The following NLRP14 variants were observed in gnomAD, a reference collection of about 807,000 sequenced individuals.
NLRP14 encodes the protein NLR family pyrin domain containing 14.
Under a neutral mutation model 94.7 loss-of-function variants are expected in NLRP14, and 105 were observed. That is an observed-to-expected ratio of 1.11 (90% CI 0.95 to 1.30). NLRP14 has a LOEUF of 1.30. Ranked by LOEUF, NLRP14 falls within the 50% of genes most tolerant of loss-of-function variation. The pLI, the probability that NLRP14 is intolerant of heterozygous loss-of-function variation, is 0.00. For missense variants in NLRP14, 1,362 were observed against 1,254.1 expected (o/e 1.09, Z -1.30); for synonymous variants, 508 against 459.9 (o/e 1.10, Z -1.34).
At chr11:7,087,064 C>CT in the NLRP14 span, among the ~76,000 whole-genome samples, 1 of 152,130 alleles carries the variant, frequency 6.6e-6, no homozygotes. Flanking sequence ...GGACTAAACT[C>CT]TGACAACCAT....
At chr11:7,068,685 C>G (rs1852744824) in intron 10 of NLRP14, among the ~76,000 whole-genome samples, 1 of 152,098 alleles carries the variant, frequency 6.6e-6, no homozygotes, top group African/African-American at 2.4e-5. Context: ...AGTACGGGGT[C>G]TTTTTCTTTC....
the NLRP14 span, among the ~76,000 whole-genome samples, chr11:7,080,569 A>G: frequency 7.2e-5 from 11 of 152,292 alleles, no homozygotes; most frequent in South Asian, 2.3e-3. Context: ...CACAGAAACA[A>G]TTCTCCATAG....
intron 8 of NLRP14, among the ~76,000 whole-genome samples, chr11:7,058,707 C>T (rs1239574935): frequency 1.3e-5 from 2 of 151,888 alleles, no homozygotes; most frequent in Non-Finnish European, 2.9e-5. Flanking sequence ...CCTCACTCTA[C>T]AGGTGAGGAA....
intron 4 of NLRP14, among the ~76,000 whole-genome samples, chr11:7,045,803 G>A (rs1331431453): frequency 6.6e-6 from 1 of 151,614 alleles, no homozygotes; most frequent in East Asian, 1.9e-4. Context: ...AACACTTATA[G>A]CATGAGACAT....
chr11:7,055,818 C>T (rs939064904), intron 6 of NLRP14, among the ~76,000 whole-genome samples: 1 of 152,018 alleles, frequency 6.6e-6, no homozygotes, highest in African/African-American at 2.4e-5. Flanking sequence ...GCAGTAAGGA[C>T]AACAAAAACA....
At chr11:7,089,570 T>C in the NLRP14 span, 1 of 1,184,494 alleles carries the variant, frequency 8.4e-7, no homozygotes, top group Non-Finnish European at 1.0e-6. Context: ...CCATGAAGCG[T>C]GGGCCGCCGC....
chr11:7,052,658 T>G (rs1359302230), intron 6 of NLRP14, among the ~76,000 whole-genome samples: 1 of 152,046 alleles, frequency 6.6e-6, no homozygotes, highest in Non-Finnish European at 1.5e-5. Context: ...CAAAGCTGGC[T>G]AAGAGGAACT....
At chr11:7,037,399 C>T (rs1852176479) in intron 1 of NLRP14, among the ~76,000 whole-genome samples, 1 of 152,060 alleles carries the variant, frequency 6.6e-6, no homozygotes, top group African/African-American at 2.4e-5. Context: ...ACTTTTATTT[C>T]CCCCATCCGT....
At chr11:7,079,041 G>C in the NLRP14 span, among the ~76,000 whole-genome samples, 1 of 152,174 alleles carries the variant, frequency 6.6e-6, no homozygotes, top group Non-Finnish European at 1.5e-5. Flanking sequence ...AATTGTCTTA[G>C]GGAATTATAC....
downstream of NLRP14, among the ~76,000 whole-genome samples, chr11:7,076,301 T>G (rs1417960937): frequency 1.3e-5 from 2 of 152,216 alleles, no homozygotes; most frequent in African/African-American, 4.8e-5. Context: ...CAAGTCAGAT[T>G]GTCAAAAAAG....
At chr11:7,039,053 G>A (rs764236700) in intron 2 of NLRP14, among the ~76,000 whole-genome samples, 178 bp downstream of exon 2, 20 of 152,076 alleles carry the variant, frequency 1.3e-4, no homozygotes, top group African/African-American at 4.3e-4. Flanking sequence ...AGGCAGAAGC[G>A]TTTTGAGTAC....
chr11:7,066,994 C>G (rs1023718499), intron 10 of NLRP14, among the ~76,000 whole-genome samples: 8 of 151,998 alleles, frequency 5.3e-5, no homozygotes, highest in African/African-American at 1.7e-4. Context: ...TCAGGTTTGT[C>G]AAAGGTCAAG....
Position 7,023,728 on chromosome 11 carries a change from C to T in NLRP14, c.-22+2958C>T, listed in dbSNP as rs573110025. 2.6e-3 allele frequency among the ~76,000 whole-genome samples: 393 copies of T among 151,998 alleles called. 3 individuals carry two copies. Among genetic ancestry groups the T allele is most frequent in the African/African-American group, 9.1e-3 (377 of 41,448 alleles). ...AGTTCTGCAAGCTTTACAGGAAGTA[C>T]GGTGCTTGCATCTGCTTGGCTTTTG... On this transcript the variant is annotated intron_variant, in intron 1 of 11. Transcript: ENST00000299481.
chr11:7,084,771 T>C, the NLRP14 span, among the ~76,000 whole-genome samples: 1 of 152,210 alleles, frequency 6.6e-6, no homozygotes, highest in Non-Finnish European at 1.5e-5. Flanking sequence ...CATAGTAAAT[T>C]ATCAAACCCA....
At chr11:7,077,726 C>G in the NLRP14 span, among the ~76,000 whole-genome samples, 1 of 152,202 alleles carries the variant, frequency 6.6e-6, no homozygotes, top group African/African-American at 2.4e-5. Flanking sequence ...GGAAACTCCT[C>G]TTTTTAAAAC....
Position 7,049,802 on chromosome 11 carries a change from C to A in NLRP14, c.2255C>A (p.Ala752Asp). The part of the protein sequence containing the change: ...GDNGVKSLCE[A>D]LKHPECKLQT... ...AATGGAGTAAAGTCATTGTGTGAGG[C>A]CTTGAAACACCCAGAGTGTAAACTA... The change falls in exon 6 of 12, where the codon GCC becomes GAC. Residue 752 changes from alanine (A) to aspartate (D), a missense_variant. Ala to Asp is a moderately radical substitution (Grantham distance 126). Transcript: ENST00000299481. 1 of 1,612,058 alleles carries A rather than the reference C, an allele frequency of 6.2e-7. No individual in the cohort carries two copies. The highest frequency in any genetic ancestry group is 8.5e-7 in the Non-Finnish European group (1 of 1,178,242).
intron 10 of NLRP14, among the ~76,000 whole-genome samples, chr11:7,066,887 A>G (rs746738480): frequency 3.7e-4 from 57 of 152,128 alleles, no homozygotes; most frequent in Non-Finnish European, 6.8e-4. Flanking sequence ...TATAATGCGT[A>G]AGGAAGGGGT....
chr11:7,056,755 A>G (rs1249514424), intron 6 of NLRP14, among the ~76,000 whole-genome samples: 1 of 152,060 alleles, frequency 6.6e-6, no homozygotes, highest in African/African-American at 2.4e-5. Context: ...AATGTGGTAC[A>G]TATACATTTG....
At chr11:7,089,535 C>T in the NLRP14 span, 2 of 1,207,378 alleles carry the variant, frequency 1.7e-6, no homozygotes, top group African/African-American at 1.6e-5. Flanking sequence ...GGATTTCGAC[C>T]TGCGGCCCTC....
Sources: allele counts gnomAD v4.1 joint callset (sites outside exome capture counted in the v4.1 genomes callset), GRCh38; gene constraint gnomAD v4.1.1; transcripts MANE v1.5; gene names NCBI Gene and HGNC (gene_info 2026-07-23, HGNC 2026-07-21).